Variants in ASTN2 observed in about 807,000 individuals in gnomAD.
The protein encoded by ASTN2 is astrotactin 2.
A neutral mutation model predicts 139.8 loss-of-function variants in ASTN2; 54 were observed. That is an observed-to-expected ratio of 0.39 (90% CI 0.31 to 0.48). ASTN2 has a LOEUF of 0.48. ASTN2 is among the 20% of genes least tolerant of loss of function. The probability of loss-of-function intolerance (pLI) is 0.95; values close to 1 mark genes in which losing one functional copy is unlikely to be tolerated. For missense variants in ASTN2, 1,565 were observed against 1,725.1 expected (o/e 0.91, Z 1.64); for synonymous variants, 756 against 719.5 (o/e 1.05, Z -0.81).
chr9:116,955,168 A>C (rs1197031581), intron 10 of ASTN2, among the ~76,000 whole-genome samples: 1 of 152,164 alleles, frequency 6.6e-6, no homozygotes, highest in Admixed American at 6.5e-5. Flanking sequence ...CTGGGAACAA[A>C]CCACAGCTTC....
At chr9:117,214,839 T>C (rs961621471) in intron 2 of ASTN2, 97 bp from the exon 3 acceptor site, 2 of 1,289,122 alleles carry the variant, frequency 1.6e-6, no homozygotes, top group Non-Finnish European at 9.9e-7. Flanking sequence ...CCAGGATCCC[T>C]GGGTTTGGCT....
intron 10 of ASTN2, among the ~76,000 whole-genome samples, chr9:116,892,029 C>T (rs1471132560): frequency 6.6e-6 from 1 of 152,148 alleles, no homozygotes; most frequent in Non-Finnish European, 1.5e-5. Flanking sequence ...GACTACTGCA[C>T]ATTTTCCTAA....
At chr9:117,078,618 C>A (rs57491605) in intron 5 of ASTN2, among the ~76,000 whole-genome samples, 12,490 of 152,286 alleles carry the variant, frequency 0.082, 637 homozygotes, top group East Asian at 0.21. Context: ...ATTTATTATA[C>A]CCTCTATAGC....
chr9:116,871,675 A>G lies in ASTN2; in HGVS notation c.1890-7942T>C, dbSNP rs146699412. 4.7e-4 allele frequency among the ~76,000 whole-genome samples: 72 copies of G among 152,326 alleles called. No homozygotes were observed. The East Asian group carries it at 0.013, about 28-fold the overall frequency. ...CTTTTGTATTGCCAAATGATATTCC[A>G]TTATATAGATATTCCACATTTTATT... On this transcript the variant is annotated intron_variant, in intron 10 of 22. Coordinates refer to ENST00000313400, the MANE Select transcript of ASTN2 (RefSeq NM_001365068.1).
chr9:116,762,275 G>A (rs1056178440), intron 13 of ASTN2, among the ~76,000 whole-genome samples: 4 of 152,188 alleles, frequency 2.6e-5, no homozygotes, highest in Non-Finnish European at 5.9e-5. Flanking sequence ...TTTGCCACTT[G>A]TTGTCTGTGA....
chr9:116,859,028 C>T (rs929523246), intron 11 of ASTN2, among the ~76,000 whole-genome samples: 1 of 152,154 alleles, frequency 6.6e-6, no homozygotes, highest in African/African-American at 2.4e-5. Context: ...AAGTCTTTCT[C>T]TTTGCTTTTC....
intron 10 of ASTN2, among the ~76,000 whole-genome samples, chr9:116,900,751 C>T (rs1297039188): frequency 1.3e-5 from 2 of 152,096 alleles, no homozygotes; most frequent in African/African-American, 4.8e-5. Flanking sequence ...CTCCATCTCC[C>T]TCTTTCCTGC....
intron 19 of ASTN2, among the ~76,000 whole-genome samples, chr9:116,533,307 C>T (rs1187933687): frequency 6.6e-6 from 1 of 152,180 alleles, no homozygotes; most frequent in Non-Finnish European, 1.5e-5. Context: ...CATCTGCAAA[C>T]AGGGACAATT....
At chr9:116,653,175 A>G (rs1858022108) in intron 16 of ASTN2, among the ~76,000 whole-genome samples, 1 of 152,234 alleles carries the variant, frequency 6.6e-6, no homozygotes. Context: ...TTTGATACTC[A>G]GCCAGAGAGA....
intron 12 of ASTN2, among the ~76,000 whole-genome samples, chr9:116,808,927 T>C (rs1831097267): frequency 6.6e-6 from 1 of 152,216 alleles, no homozygotes; most frequent in Non-Finnish European, 1.5e-5. Flanking sequence ...TTACGGTCAC[T>C]TGCATTTCTC....
At chr9:116,478,886 G>A (rs34499708) in intron 20 of ASTN2, among the ~76,000 whole-genome samples, 31,251 of 151,156 alleles carry the variant, frequency 0.21, 3,331 homozygotes, top group Middle Eastern at 0.25. Context: ...CAGCTACTCA[G>A]GGGGCTGAAG....
intron 19 of ASTN2, among the ~76,000 whole-genome samples, chr9:116,528,649 AAAT>A (rs1851196833): frequency 1.3e-5 from 2 of 152,244 alleles, no homozygotes; most frequent in African/African-American, 4.8e-5. Flanking sequence ...GGCATTTCAG[AAAT>A]TTTCACAGCA....
At chr9:117,395,801 G>A (rs1266548490) in intron 1 of ASTN2, among the ~76,000 whole-genome samples, 6 of 152,202 alleles carry the variant, frequency 3.9e-5, no homozygotes, top group African/African-American at 1.4e-4. Flanking sequence ...AAAAGGACTT[G>A]AAAGAGAATG....
intron 16 of ASTN2, among the ~76,000 whole-genome samples, chr9:116,679,926 G>A (rs1229377796): frequency 6.6e-6 from 1 of 152,166 alleles, no homozygotes; most frequent in Non-Finnish European, 1.5e-5. Flanking sequence ...AAGCAGGAAA[G>A]ATCTAAAATT....
intron 9 of ASTN2, 80 bp downstream of exon 9, chr9:116,976,034 C>G (rs1451561246): frequency 1.4e-6 from 2 of 1,386,562 alleles, no homozygotes; most frequent in South Asian, 1.2e-5. Context: ...GCTCAATAGT[C>G]TAAGGATCCA....
chr9:117,071,090 T>G (rs1396377787), intron 5 of ASTN2, among the ~76,000 whole-genome samples: 5 of 148,338 alleles, frequency 3.4e-5, no homozygotes, highest in African/African-American at 4.9e-5. Context: ...GGCGCTCTGA[T>G]TTTTAGAGCT....
chr9:116,740,066 G>A (rs1829057151), intron 13 of ASTN2, among the ~76,000 whole-genome samples: 1 of 152,208 alleles, frequency 6.6e-6, no homozygotes, highest in Admixed American at 6.5e-5. Context: ...AGGGGCCACT[G>A]AGTGAGTGGG....
intron 2 of ASTN2, among the ~76,000 whole-genome samples, chr9:117,282,617 G>T (rs916681364): frequency 7.4e-6 from 1 of 135,348 alleles, no homozygotes; most frequent in African/African-American, 3.9e-5. Context: ...GCCATGTGAT[G>T]TGCTTTGGCC....
intron 10 of ASTN2, among the ~76,000 whole-genome samples, chr9:116,931,324 G>A (rs1834891797): frequency 6.6e-6 from 1 of 152,134 alleles, no homozygotes; most frequent in South Asian, 2.1e-4. Flanking sequence ...GGGATGGGGA[G>A]GTTGGCAAGG....
Sources: allele counts gnomAD v4.1 joint callset (sites outside exome capture counted in the v4.1 genomes callset), GRCh38; gene constraint gnomAD v4.1.1; transcripts MANE v1.5; gene names NCBI Gene and HGNC (gene_info 2026-07-23, HGNC 2026-07-21).